DAB1: variants seen among roughly 807,000 people sequenced by gnomAD.
DAB1 encodes disabled homolog 1.
Under a neutral mutation model 64.6 loss-of-function variants are expected in DAB1, and 15 were observed. The ratio of observed to expected loss-of-function variants is 0.23; its 90% CI spans 0.16 to 0.36. The LOEUF (loss-of-function observed/expected upper bound fraction) is 0.36. DAB1 is among the 10% of genes least tolerant of loss of function. DAB1 has a pLI of 1.00. For missense variants in DAB1, 596 were observed against 706.7 expected, an observed-to-expected ratio of 0.84 and a Z score of 1.78; for synonymous variants, 235 against 251.9, an observed-to-expected ratio of 0.93 and a Z score of 0.64.
chr1:57,130,268 A>G (rs1657537145), intron 4 of DAB1, among the ~76,000 whole-genome samples: 2 of 152,184 alleles, frequency 1.3e-5, no homozygotes, highest in African/African-American at 2.4e-5. Flanking sequence ...TCTAAGTCTT[A>G]GAGGATTAAA....
intron 6 of DAB1, among the ~76,000 whole-genome samples, chr1:57,761,395 T>C (rs896728121): frequency 4.6e-5 from 7 of 152,202 alleles, no homozygotes; most frequent in Non-Finnish European, 1.0e-4. Flanking sequence ...AATCAACTAT[T>C]GGTGGCATGC....
At chr1:58,281,329 G>A (rs559676729) in intron 4 of DAB1, among the ~76,000 whole-genome samples, 3 of 149,852 alleles carry the variant, frequency 2.0e-5, no homozygotes, top group East Asian at 2.0e-4. Context: ...CACAAGTGAC[G>A]AAGCCTGAAA....
intron 2 of DAB1, among the ~76,000 whole-genome samples, chr1:57,218,042 G>A (rs746341264): frequency 6.6e-6 from 1 of 152,256 alleles, no homozygotes; most frequent in South Asian, 2.1e-4. Flanking sequence ...TTATGGAAAC[G>A]TGACAAGTAC....
chr1:57,135,673 T>C (rs1414347521), intron 4 of DAB1, among the ~76,000 whole-genome samples: 3 of 152,182 alleles, frequency 2.0e-5, no homozygotes, highest in African/African-American at 7.2e-5. Context: ...TTACTACCCT[T>C]ATGTTATCTT....
chr1:57,993,518 T>G (rs1646379507), intron 5 of DAB1, among the ~76,000 whole-genome samples: 3 of 152,198 alleles, frequency 2.0e-5, no homozygotes, highest in Admixed American at 2.0e-4. Flanking sequence ...AAGCTCCCCA[T>G]GACATTTCTT....
chr1:57,525,664 C>A (rs944875741), intron 7 of DAB1, among the ~76,000 whole-genome samples: 3 of 151,400 alleles, frequency 2.0e-5, no homozygotes, highest in Non-Finnish European at 2.9e-5. Context: ...GTCACCAGGG[C>A]AAGATATAAA....
intron 7 of DAB1, among the ~76,000 whole-genome samples, chr1:57,619,600 C>T (rs1645831909): frequency 6.6e-6 from 1 of 151,956 alleles, no homozygotes; most frequent in Non-Finnish European, 1.5e-5. Context: ...ATAGGGTCTC[C>T]CTGTGTTGCC....
chr1:58,523,990 G>A (rs113282327), intron 2 of DAB1, among the ~76,000 whole-genome samples: 9 of 152,282 alleles, frequency 5.9e-5, no homozygotes, highest in South Asian at 2.1e-4. Context: ...CAGAAAAAGC[G>A]TTCTCATTGT....
At chr1:57,501,011 A>G (rs1382747302) in intron 7 of DAB1, among the ~76,000 whole-genome samples, 1 of 152,256 alleles carries the variant, frequency 6.6e-6, no homozygotes, top group Non-Finnish European at 1.5e-5. Context: ...ATTAACAGCT[A>G]CAAATCCCTT....
chr1:57,928,712 C>A (rs1235934491), intron 5 of DAB1, among the ~76,000 whole-genome samples: 3 of 152,162 alleles, frequency 2.0e-5, no homozygotes, highest in African/African-American at 7.2e-5. Flanking sequence ...AGTACGTAGC[C>A]TTTTCACATT....
At chr1:57,904,840 C>T (rs947032934) in intron 5 of DAB1, among the ~76,000 whole-genome samples, 1 of 152,020 alleles carries the variant, frequency 6.6e-6, no homozygotes, top group Non-Finnish European at 1.5e-5. Context: ...AAATGTAGAG[C>T]CTTTAGCCAT....
At chr1:57,854,396 T>C (rs1653664656) in intron 1 of DAB1, among the ~76,000 whole-genome samples, 1 of 152,160 alleles carries the variant, frequency 6.6e-6, no homozygotes, top group South Asian at 2.1e-4. Flanking sequence ...ATGTCACCAT[T>C]GTGAGAGGAA....
chr1:57,760,691 T>A (rs1163295019), intron 6 of DAB1, among the ~76,000 whole-genome samples: 2 of 146,524 alleles, frequency 1.4e-5, no homozygotes, highest in East Asian at 2.0e-4. Context: ...AAAAGGGGAG[T>A]CGGCAGTCTG....
At chr1:58,296,192 AAAGAG>A (rs1315990272) in intron 4 of DAB1, among the ~76,000 whole-genome samples, 6 of 128,920 alleles carry the variant, frequency 4.7e-5, no homozygotes, top group South Asian at 4.9e-4. Flanking sequence ...AAAGAGAAAG[AAAGAG>A]AAAGAAAGAA....
intron 2 of DAB1, among the ~76,000 whole-genome samples, chr1:58,520,325 C>T (rs1445279521): frequency 6.6e-6 from 1 of 152,182 alleles, no homozygotes; most frequent in Admixed American, 6.5e-5. Flanking sequence ...TGACAAAGAA[C>T]TTGCACCTAG....
At chr1:57,437,662 A>G (rs1482564611) in intron 7 of DAB1, among the ~76,000 whole-genome samples, 2 of 152,208 alleles carry the variant, frequency 1.3e-5, no homozygotes, top group East Asian at 1.9e-4. Context: ...AGACCATTCA[A>G]TACATACAGA....
intron 4 of DAB1, among the ~76,000 whole-genome samples, chr1:58,334,621 TATATTATATTATATC>T (rs1200049476): frequency 5.0e-5 from 7 of 140,280 alleles, no homozygotes; most frequent in African/African-American, 1.8e-4. Flanking sequence ...TATATTATAT[TATATTATATTATATC>T]ATATCATATC....
At chr1:57,629,145 A>T (rs1346841662) in intron 7 of DAB1, among the ~76,000 whole-genome samples, 1 of 152,250 alleles carries the variant, frequency 6.6e-6, no homozygotes, top group Non-Finnish European at 1.5e-5. Flanking sequence ...TACAATTCTT[A>T]TGAGTAGTTC....
chr1:57,095,698 GGT>G (rs1654097098), intron 4 of DAB1, among the ~76,000 whole-genome samples: 1 of 152,270 alleles, frequency 6.6e-6, no homozygotes, highest in African/African-American at 2.4e-5. Flanking sequence ...ATGGAGGCTA[GGT>G]GTGAGGAGGG....
Sources: allele counts gnomAD v4.1 joint callset (sites outside exome capture counted in the v4.1 genomes callset), GRCh38; gene constraint gnomAD v4.1.1; transcripts MANE v1.5; gene names NCBI Gene and HGNC (gene_info 2026-07-23, HGNC 2026-07-21).